NPHP4: variants seen among roughly 807,000 people sequenced by gnomAD.
The protein encoded by NPHP4 is nephrocystin-4.
NPHP4 carries 151 observed loss-of-function variants against 155.8 expected under a neutral mutation model. That is an observed-to-expected ratio of 0.97 (90% CI 0.85 to 1.11). The LOEUF (loss-of-function observed/expected upper bound fraction) is 1.11, where lower values mean the gene tolerates loss of function less well. NPHP4 is among the 50% of genes least tolerant of loss of function. The probability of loss-of-function intolerance (pLI) is 0.00; values close to 1 mark genes in which losing one functional copy is unlikely to be tolerated. For synonymous variants in NPHP4, 845 were observed against 816.8 expected, an observed-to-expected ratio of 1.03 and a Z score of -0.59; for missense variants, 1,956 against 1,925.7, an observed-to-expected ratio of 1.02 and a Z score of -0.29.
Position 5,964,917 on chromosome 1 carries a change from TTATA to T in NPHP4, c.517+2378_517+2381del, listed in dbSNP as rs4068402. Among the ~76,000 whole-genome samples, 63 of 82,482 alleles carry T rather than the reference TTATA, an allele frequency of 7.6e-4. 1 individual carries two copies. The highest frequency in any genetic ancestry group is 8.3e-3 in the Middle Eastern group (1 of 120). 54.1% of individuals were successfully genotyped at this position (82,482 alleles called of 152,430 possible). A position where few individuals can be genotyped will look rare whatever the true frequency, so the allele number is the denominator to read the frequency against. On this transcript the variant is annotated intron_variant, in intron 5 of 29. Coordinates refer to ENST00000378156, the MANE Select transcript of NPHP4 (RefSeq NM_015102.5). ...ATATAAAATATATAATACATATATA[TTATA>T]TATATATATATATATATATATTTTT...
At chr1:5,883,128 C>CA (rs1208642569) in intron 18 of NPHP4, among the ~76,000 whole-genome samples, 1 of 152,198 alleles carries the variant, frequency 6.6e-6, no homozygotes, top group Non-Finnish European at 1.5e-5. Context: ...TCAGGGTCCT[C>CA]AAAGACTTCC....
chr1:5,904,854 C>T (rs763026318), intron 15 of NPHP4, 50 bp from the exon 16 acceptor site: 2 of 1,568,312 alleles, frequency 1.3e-6, no homozygotes, highest in African/African-American at 2.7e-5. Context: ...GGCACAGAAC[C>T]TGAGGGGTCT....
At chr1:5,903,686 A>G (rs1428695131) in intron 16 of NPHP4, among the ~76,000 whole-genome samples, 1 of 152,218 alleles carries the variant, frequency 6.6e-6, no homozygotes, top group African/African-American at 2.4e-5. Flanking sequence ...AAATAAAGGG[A>G]AGAATCAAGT....
chr1:5,867,447 G>A lies in NPHP4; in HGVS notation c.3472+293C>T, dbSNP rs181253404. Reference sequence around the variant, plus strand: ...GGCACCTACCAGAAACACGCGGGCCGTCAGGTGAGGAGGTAGGTGTTCCTC... The same window carrying A: ...GGCACCTACCAGAAACACGCGGGCCATCAGGTGAGGAGGTAGGTGTTCCTC... On this transcript the variant is annotated intron_variant, in intron 24 of 29. Transcript: ENST00000378156. The surrounding 1 kb of genome is among the most constrained non-coding windows in gnomAD (Gnocchi z 4.1). 1.2e-4 allele frequency: 67 copies of A among 550,526 alleles called. No homozygotes were observed. The highest frequency in any genetic ancestry group is 9.7e-4 in the Middle Eastern group (2 of 2,064). 34.1% of individuals were successfully genotyped at this position (550,526 alleles called of 1,614,324 possible). A position where few individuals can be genotyped will look rare whatever the true frequency, so the allele number is the denominator to read the frequency against.
At position 5,864,510 on chromosome 1, in the gene NPHP4, G is replaced by A. The variant is rs768194818; in HGVS notation, c.3824C>T (p.Pro1275Leu). The A allele has an allele frequency of 1.4e-5, 22 of 1,572,508 alleles. No homozygotes were observed. The highest frequency in any genetic ancestry group is 1.8e-5 in the Non-Finnish European group (21 of 1,156,266). The change falls in exon 28 of 30, where the codon CCC (proline) becomes CTC (leucine). Residue 1275 changes from proline to leucine, a missense_variant. Physicochemically the swap from Pro to Leu is moderately conservative, Grantham distance 98. Transcript: ENST00000378156. ...TSHPQELKTDPKGVFVLPPRG... is the reference protein window; with the variant it reads ...TSHPQELKTDLKGVFVLPPRG... ...AGGCGGCAGCACGAAGACACCTTTG[G>A]GGTCTGTCTTCAAGAGCGAGAGAGG...
chr1:5,955,755 A>T (rs1037739879), intron 6 of NPHP4, among the ~76,000 whole-genome samples: 2 of 152,158 alleles, frequency 1.3e-5, no homozygotes, highest in Non-Finnish European at 2.9e-5. Context: ...GAGGGGAGGG[A>T]GAGGTTGTCA....
intron 18 of NPHP4, 140 bp from the exon 19 acceptor site, chr1:5,880,379 T>G: frequency 1.3e-6 from 1 of 797,858 alleles, no homozygotes; most frequent in Non-Finnish European, 2.0e-6. Context: ...CGCCTCTGTT[T>G]TGAATGTTTT....
intron 11 of NPHP4, among the ~76,000 whole-genome samples, chr1:5,918,721 C>A (rs1421600002): frequency 6.6e-6 from 1 of 152,198 alleles, no homozygotes; most frequent in Non-Finnish European, 1.5e-5. Context: ...CAAACTTTAT[C>A]ACAGCATCCT....
At position 5,873,255 on chromosome 1, in the gene NPHP4, G is replaced by C. The variant is rs1359151965; in HGVS notation, c.3312C>G (p.Ala1104=). 1 of 1,612,968 alleles carries C rather than the reference G, an allele frequency of 6.2e-7. No homozygotes were observed. The highest frequency in any genetic ancestry group is 1.1e-5 in the South Asian group (1 of 91,068). ...WKSSAVPTKH[A]KVLFRASGGK... is the part of the protein sequence containing the mutation. ...TTGTCCTCCGTTGCCCCTTTACCTTGGCGTGTTTAGTGGGCACTGCGCTGG... is the reference window on the plus strand; with the variant it reads ...TTGTCCTCCGTTGCCCCTTTACCTTCGCGTGTTTAGTGGGCACTGCGCTGG... The change falls in exon 23 of 30, where the codon GCC becomes GCG. Residue 1104 remains alanine (A), a synonymous_variant. Coordinates refer to ENST00000378156, the MANE Select transcript of NPHP4 (RefSeq NM_015102.5).
Position 5,867,622 on chromosome 1 carries a change from T to C in NPHP4, c.3472+118A>G. ...GAGAGAGAATTCCCCAGGCCCCACGTGCTGCTCTGACAGCACCAGGGCATG... is the reference window on the plus strand; with the variant it reads ...GAGAGAGAATTCCCCAGGCCCCACGCGCTGCTCTGACAGCACCAGGGCATG... On this transcript the variant is annotated intron_variant, in intron 24 of 29. Coordinates refer to ENST00000378156, the MANE Select transcript of NPHP4 (RefSeq NM_015102.5). The surrounding 1 kb of genome is among the most constrained non-coding windows in gnomAD (Gnocchi z 4.1). 22 of 1,056,936 alleles carry C rather than the reference T, an allele frequency of 2.1e-5. No individual in the cohort carries two copies. In the South Asian group the frequency reaches 2.6e-4, roughly 12 times the overall value. The allele number at this position is 1,056,936 out of a possible 1,614,324, so 65.5% of individuals were successfully genotyped here.
rs372171438 is a variant in NPHP4 at position 5,978,282 on chromosome 1, G to T, written c.267C>A (p.Ile89=). The change falls in exon 3 of 30, where the codon ATC becomes ATA. Residue 89 remains isoleucine (I), a synonymous_variant. Transcript: ENST00000378156. ...CACCAGGGCCCACCTCATTAAAGAC[G>T]ATCCTGGACGGCGGTCTCTTCGTCG... is the stretch of plus-strand genomic sequence containing the variant. ...VKPTKRPPSR[I]VFNEPLYFHT... is the part of the protein sequence containing the mutation. 11 of 1,607,034 alleles carry T rather than the reference G, an allele frequency of 6.8e-6. No homozygotes were observed. Among genetic ancestry groups the T allele is most frequent in the Non-Finnish European group, 9.3e-6 (11 of 1,177,082 alleles).
chr1:5,948,582 C>T (rs1430630844), intron 7 of NPHP4, among the ~76,000 whole-genome samples: 1 of 152,174 alleles, frequency 6.6e-6, no homozygotes, highest in East Asian at 1.9e-4. Flanking sequence ...GCAGCAAACT[C>T]GTACTTGGCT....
chr1:5,970,537 G>A (rs985517765), intron 3 of NPHP4, among the ~76,000 whole-genome samples: 8 of 152,244 alleles, frequency 5.3e-5, no homozygotes, highest in East Asian at 1.9e-4. Context: ...CCGTAGCACA[G>A]TAGACAGAGA....
At chr1:5,968,710 C>T (rs1333826335) in intron 4 of NPHP4, among the ~76,000 whole-genome samples, 2 of 152,042 alleles carry the variant, frequency 1.3e-5, no homozygotes, top group East Asian at 1.9e-4. Flanking sequence ...CACCATAAGA[C>T]GAGCAGTTAA....
intron 3 of NPHP4, 105 bp downstream of exon 3, chr1:5,978,165 C>A: frequency 9.4e-7 from 1 of 1,060,960 alleles, no homozygotes; most frequent in Admixed American, 2.2e-5. Flanking sequence ...CTGAGACGCG[C>A]TGTGAGGTCT....
chr1:5,892,324 C>G lies in NPHP4; in HGVS notation c.2144-1296G>C, dbSNP rs1235314419. ...GGAGGCTGGTCAGAGGAGCCTAGACCAGGATGGCCCCGTGCCTAGCATGCT... is the reference window on the plus strand; with the variant it reads ...GGAGGCTGGTCAGAGGAGCCTAGACGAGGATGGCCCCGTGCCTAGCATGCT... On this transcript the variant is annotated intron_variant, in intron 16 of 29. Transcript: ENST00000378156. This position sits in a 1 kb window ranked among gnomAD's most constrained non-coding sequence, Gnocchi z 4.5. Among the ~76,000 whole-genome samples, 1 of 152,022 alleles carries G rather than the reference C, an allele frequency of 6.6e-6. No individual in the cohort carries two copies. The highest frequency in any genetic ancestry group is 1.5e-5 in the Non-Finnish European group (1 of 67,982).
chr1:5,946,960 T>C (rs1192343877), intron 9 of NPHP4, 144 bp downstream of exon 9: 2 of 889,966 alleles, frequency 2.2e-6, no homozygotes, highest in Non-Finnish European at 3.5e-6. Context: ...AATCAGCTGA[T>C]AAATGTCAGT....
chr1:5,986,341 A>T lies in NPHP4; in HGVS notation c.-38-14T>A, dbSNP rs1386422756. On this transcript the variant is annotated splice_polypyrimidine_tract_variant and intron_variant, in intron 1 of 29. Transcript: ENST00000378156. The stretch of plus-strand genomic sequence containing the variant: ...TTCCCGGATGATCTGTGCCAGTCGT[A>T]TTCAAATAAAGAGAAGAGCTGTGAG... The T allele has an allele frequency of 6.2e-7, 1 of 1,600,864 alleles. No individual in the cohort carries two copies. Among genetic ancestry groups the T allele is most frequent in the African/African-American group, 1.3e-5 (1 of 74,508 alleles).
At chr1:5,936,084 T>C (rs1255291661) in intron 9 of NPHP4, among the ~76,000 whole-genome samples, 1 of 152,210 alleles carries the variant, frequency 6.6e-6, no homozygotes. Flanking sequence ...GGGATTCCAA[T>C]ATCTAATTTT....
Sources: allele counts gnomAD v4.1 joint callset (sites outside exome capture counted in the v4.1 genomes callset), GRCh38; gene constraint gnomAD v4.1.1; non-coding constraint Gnocchi (gnomAD v3.1); transcripts MANE v1.5; gene names NCBI Gene and HGNC (gene_info 2026-07-23, HGNC 2026-07-21).